Variants in CAMK1D observed in about 807,000 individuals in gnomAD.
The protein encoded by CAMK1D is calcium/calmodulin-dependent protein kinase type 1D.
In CAMK1D, 9 loss-of-function variants were observed where a neutral mutation model predicts 47.7. The ratio of observed to expected loss-of-function variants is 0.19; its 90% CI spans 0.11 to 0.33. The LOEUF (loss-of-function observed/expected upper bound fraction) is 0.33, where lower values mean the gene tolerates loss of function less well. Ranked by LOEUF, CAMK1D falls within the 10% of genes least tolerant of loss-of-function variation. The pLI, the probability that CAMK1D is intolerant of heterozygous loss-of-function variation, is 1.00. For synonymous variants in CAMK1D, 184 were observed against 184.9 expected (o/e 0.99, Z 0.04); for missense variants, 291 against 488.7 (o/e 0.60, Z 3.81).
At chr10:12,730,867 G>A (rs1177800935) in intron 3 of CAMK1D, among the ~76,000 whole-genome samples, 3 of 152,162 alleles carry the variant, frequency 2.0e-5, no homozygotes, top group Non-Finnish European at 4.4e-5. Flanking sequence ...TGACAAAAAC[G>A]CTGTTTGTGA....
chr10:12,424,530 C>T (rs1840161280), intron 1 of CAMK1D, among the ~76,000 whole-genome samples: 1 of 152,220 alleles, frequency 6.6e-6, no homozygotes, highest in Non-Finnish European at 1.5e-5. Context: ...CCGTGAATTT[C>T]TCCAGCAGCG....
chr10:12,808,421 C>T (rs1343251263), intron 6 of CAMK1D, among the ~76,000 whole-genome samples: 1 of 152,164 alleles, frequency 6.6e-6, no homozygotes, highest in Non-Finnish European at 1.5e-5. Context: ...CTTGGTATAC[C>T]TCCTCCTGGC....
chr10:12,701,243 G>A (rs980739967), intron 3 of CAMK1D, among the ~76,000 whole-genome samples: 1 of 152,030 alleles, frequency 6.6e-6, no homozygotes, highest in Non-Finnish European at 1.5e-5. Context: ...CTCCCGAGTA[G>A]CTGGGATCTC....
intron 1 of CAMK1D, among the ~76,000 whole-genome samples, chr10:12,447,442 C>T (rs1832954966): frequency 6.6e-6 from 1 of 152,150 alleles, no homozygotes; most frequent in Admixed American, 6.6e-5. Flanking sequence ...TGGCTCATGC[C>T]TGTAATCCCA....
intron 2 of CAMK1D, among the ~76,000 whole-genome samples, chr10:12,641,667 A>G (rs1839671084): frequency 6.6e-6 from 1 of 152,134 alleles, no homozygotes; most frequent in African/African-American, 2.4e-5. Context: ...ACTGATGACA[A>G]AGTTTTGATG....
intron 2 of CAMK1D, among the ~76,000 whole-genome samples, chr10:12,572,150 T>C (rs972255492): frequency 4.0e-5 from 6 of 151,810 alleles, no homozygotes; most frequent in African/African-American, 1.5e-4. Flanking sequence ...GGAAGACTCT[T>C]GATTTGCTTT....
chr10:12,389,610 C>T (rs928371618), intron 1 of CAMK1D, among the ~76,000 whole-genome samples: 4 of 152,126 alleles, frequency 2.6e-5, no homozygotes, highest in African/African-American at 2.4e-5. Context: ...CTGAGCCTCT[C>T]GGAGGCTGGA....
intron 4 of CAMK1D, 105 bp downstream of exon 4, chr10:12,761,191 G>A (rs1169324698): frequency 7.3e-7 from 1 of 1,366,778 alleles, no homozygotes; most frequent in Admixed American, 2.2e-5. Flanking sequence ...CTGATGTAGA[G>A]TGGGTGCAGC....
At chr10:12,564,839 G>C (rs546849873) in intron 2 of CAMK1D, among the ~76,000 whole-genome samples, 34 of 152,208 alleles carry the variant, frequency 2.2e-4, no homozygotes, top group Non-Finnish European at 4.6e-4. Flanking sequence ...CTGTAGAACT[G>C]ATGACCTAAG....
At chr10:12,470,612 G>C (rs1833717223) in intron 1 of CAMK1D, among the ~76,000 whole-genome samples, 1 of 151,916 alleles carries the variant, frequency 6.6e-6, no homozygotes, top group African/African-American at 2.4e-5. Context: ...TGCCTCCTGG[G>C]TTCAAGCGAG....
intron 1 of CAMK1D, among the ~76,000 whole-genome samples, chr10:12,372,911 G>A (rs1409068431): frequency 2.0e-5 from 3 of 152,194 alleles, no homozygotes; most frequent in South Asian, 2.1e-4. Flanking sequence ...GATTATAGGC[G>A]TGAGCCACTG....
At chr10:12,766,731 C>G (rs1836781601) in intron 4 of CAMK1D, among the ~76,000 whole-genome samples, 1 of 152,104 alleles carries the variant, frequency 6.6e-6, no homozygotes, top group Non-Finnish European at 1.5e-5. Context: ...CTTGGCCTGG[C>G]TTCAGCAGGA....
chr10:12,732,473 C>G (rs1834929262), intron 3 of CAMK1D, among the ~76,000 whole-genome samples: 1 of 152,038 alleles, frequency 6.6e-6, no homozygotes, highest in South Asian at 2.1e-4. Flanking sequence ...TTTAATTGGA[C>G]TTACAGTTCC....
Position 12,818,107 on chromosome 10 carries a change from CT to C in CAMK1D, c.833+1780del, listed in dbSNP as rs1832873584. On this transcript the variant is annotated intron_variant, in intron 8 of 10. Coordinates refer to ENST00000619168, the MANE Select transcript of CAMK1D (RefSeq NM_153498.4). ...ACCTTGAGATCAGGAGAAAATCCCC[CT>C]AAAAATTACTCCAGAAAACCATCCC... Among the ~76,000 whole-genome samples the C allele has an allele frequency of 2.0e-5, 3 of 152,220 alleles. No individual in the cohort carries two copies. In the South Asian group the frequency reaches 6.2e-4, roughly 32 times the overall value.
At chr10:12,594,245 T>C (rs1490405041) in intron 2 of CAMK1D, among the ~76,000 whole-genome samples, 1 of 152,202 alleles carries the variant, frequency 6.6e-6, no homozygotes. Flanking sequence ...AGTGGACATG[T>C]CAAATTCTCA....
chr10:12,353,899 G>A (rs933891134), intron 1 of CAMK1D, among the ~76,000 whole-genome samples: 1 of 152,072 alleles, frequency 6.6e-6, no homozygotes, highest in Non-Finnish European at 1.5e-5. Flanking sequence ...CGTCCCTATC[G>A]TAGCTATCTT....
chr10:12,438,190 G>A (rs908153523), intron 1 of CAMK1D, among the ~76,000 whole-genome samples: 1 of 152,204 alleles, frequency 6.6e-6, no homozygotes, highest in Non-Finnish European at 1.5e-5. Flanking sequence ...CCTCATGATG[G>A]ACCATGCTTG....
intron 1 of CAMK1D, among the ~76,000 whole-genome samples, chr10:12,364,092 C>T (rs1216121520): frequency 1.3e-5 from 2 of 152,086 alleles, no homozygotes; most frequent in African/African-American, 4.8e-5. Context: ...ATGATTCCTT[C>T]TGACTCTTAG....
At chr10:12,446,571 G>T (rs1404608087) in intron 1 of CAMK1D, among the ~76,000 whole-genome samples, 1 of 152,206 alleles carries the variant, frequency 6.6e-6, no homozygotes, top group African/African-American at 2.4e-5. Flanking sequence ...GCCTGGGAAT[G>T]CAGCCCAGTA....
Sources: gnomAD v4.1 joint callset for allele counts (sites outside exome capture counted in the v4.1 genomes callset) on GRCh38, gnomAD v4.1.1 for gene constraint, MANE v1.5 for transcripts, NCBI Gene and HGNC (gene_info 2026-07-23, HGNC 2026-07-21) for gene names.